Variants in PANX1 observed in about 807,000 individuals in gnomAD.
The protein encoded by PANX1 is pannexin 1.
A neutral mutation model predicts 38.7 loss-of-function variants in PANX1; 30 were observed. The observed-to-expected ratio is 0.78, with a 90% CI of 0.58 to 1.05. The LOEUF (loss-of-function observed/expected upper bound fraction) is 1.05. Among genes scored for constraint, PANX1 ranks in the 50% least tolerant of loss-of-function variants. PANX1 has a pLI of 0.00. For synonymous variants in PANX1, 230 were observed against 212.2 expected, an observed-to-expected ratio of 1.08 and a Z score of -0.73; for missense variants, 551 against 517.2, an observed-to-expected ratio of 1.07 and a Z score of -0.63.
chr11:94,153,509 T>A lies in PANX1; in HGVS notation c.200T>A (p.Phe67Tyr). The A allele has an allele frequency of 6.2e-7, 1 of 1,614,200 alleles. No homozygotes were observed. The highest frequency in any genetic ancestry group is 8.5e-7 in the Non-Finnish European group (1 of 1,180,034). ...EISIGTQISC[F>Y]SPSSFSWRQA... ...TTCTTAGGTACACAGATAAGCTGTT[T>A]CTCTCCAAGTTCTTTCTCCTGGCGT... The change falls in exon 2 of 5, where the codon TTC becomes TAC. Residue 67 changes from phenylalanine to tyrosine, a missense_variant. Phe to Tyr is a conservative substitution (Grantham distance 22). Coordinates refer to ENST00000227638, the MANE Select transcript of PANX1 (RefSeq NM_015368.4).
rs377690134 is a variant in PANX1, at chr11:94,149,162, C to T, written c.182-4329C>T. ...AGGAGAGGAACAAAAAAATGGGGGGCGTAGATCATAGCAAAAGTAAGCCAA... is the reference window on the plus strand; with the variant it reads ...AGGAGAGGAACAAAAAAATGGGGGGTGTAGATCATAGCAAAAGTAAGCCAA... On this transcript the variant is annotated intron_variant, in intron 1 of 4. Coordinates refer to ENST00000227638, the MANE Select transcript of PANX1 (RefSeq NM_015368.4). Among the ~76,000 whole-genome samples the T allele has an allele frequency of 7.9e-5, 12 of 152,194 alleles. No individual in the cohort carries two copies. The South Asian group carries it at 1.5e-3, about 18-fold the overall frequency.
chr11:94,167,596 A>G (rs551484329), intron 2 of PANX1, among the ~76,000 whole-genome samples: 2 of 152,352 alleles, frequency 1.3e-5, no homozygotes, highest in South Asian at 2.1e-4. Flanking sequence ...GGATTGATCA[A>G]CCATGCATTT....
In PANX1 at chr11:94,153,757, CTG is replaced by C. The variant is rs1323330664; in HGVS notation, c.321+129_321+130del. On this transcript the variant is annotated intron_variant, in intron 2 of 4. Transcript: ENST00000227638. ...CAGTGCTGTATCTCAGATTGTAAAA[CTG>C]TAGCACCTTATAGTCAAAAAGAACC... 6.0e-6 allele frequency: 5 copies of C among 839,468 alleles called. No homozygotes were observed. In the East Asian group the frequency reaches 8.1e-5, roughly 14 times the overall value. The allele number at this position is 839,468 out of a possible 1,614,324, so 52.0% of individuals were successfully genotyped here.
intron 1 of PANX1, among the ~76,000 whole-genome samples, chr11:94,150,013 T>C (rs187284531): frequency 2.0e-5 from 3 of 151,852 alleles, no homozygotes; most frequent in Non-Finnish European, 4.4e-5. Flanking sequence ...TCTGCACATC[T>C]CTGATTTAAA....
At position 94,177,076 on chromosome 11, in the gene PANX1, A is replaced by G. The variant is rs992789595; in HGVS notation, c.322-1293A>G. ...TTCATGACACCTCTATTCCATGACC[A>G]TTTCATACATAAGGAAACTGAGGGT... On this transcript the variant is annotated intron_variant, in intron 2 of 4. Coordinates refer to ENST00000227638, the MANE Select transcript of PANX1 (RefSeq NM_015368.4). Among the ~76,000 whole-genome samples the G allele has an allele frequency of 2.6e-5, 4 of 151,798 alleles. 1 individual carries two copies. The highest frequency in any genetic ancestry group is 9.7e-5 in the African/African-American group (4 of 41,088).
intron 2 of PANX1, among the ~76,000 whole-genome samples, chr11:94,171,737 C>A (rs1947170378): frequency 6.6e-6 from 1 of 151,408 alleles, no homozygotes; most frequent in Non-Finnish European, 1.5e-5. Context: ...TCATTTTTCT[C>A]CAACCGACTT....
At chr11:94,177,443 A>G (rs1281608288) in intron 2 of PANX1, among the ~76,000 whole-genome samples, 3 of 151,986 alleles carry the variant, frequency 2.0e-5, no homozygotes, top group Non-Finnish European at 2.9e-5. Context: ...AGAGGGCCAG[A>G]TCATAAAGTT....
In PANX1 at chr11:94,178,429, C is replaced by T. The variant is rs751430673; in HGVS notation, c.382C>T (p.Arg128Cys). The change falls in exon 3 of 5, where the codon CGT becomes TGT. Residue 128 changes from arginine to cysteine, a missense_variant. By Grantham distance (180) the Arg-to-Cys change is radical. Coordinates refer to ENST00000227638, the MANE Select transcript of PANX1 (RefSeq NM_015368.4). ...CCTGTACCTGCCCCCGCTGTTCTGG[C>T]GTTTCGCAGCTGCTCCTCATATTTG... ...ILLYLPPLFW[R>C]FAAAPHICSD... is the part of the protein sequence containing the mutation. 1.1e-5 allele frequency: 17 copies of T among 1,613,952 alleles called. No individual in the cohort carries two copies. The highest frequency in any genetic ancestry group is 4.0e-5 in the African/African-American group (3 of 74,912).
chr11:94,139,729 G>A (rs946741992), intron 1 of PANX1, among the ~76,000 whole-genome samples: 1 of 152,170 alleles, frequency 6.6e-6, no homozygotes, highest in African/African-American at 2.4e-5. Flanking sequence ...CCCAGGGAGA[G>A]GGTTCCGAGG....
At chr11:94,141,260 A>G (rs536346245) in intron 1 of PANX1, among the ~76,000 whole-genome samples, 1 of 152,354 alleles carries the variant, frequency 6.6e-6, no homozygotes, top group South Asian at 2.1e-4. Context: ...TCCCATCACC[A>G]ATATAGGCCA....
chr11:94,170,519 CT>C (rs1490310782), intron 2 of PANX1, among the ~76,000 whole-genome samples: 1 of 151,820 alleles, frequency 6.6e-6, no homozygotes. Flanking sequence ...CTGTGAACAT[CT>C]GTTCGAGTCC....
At chr11:94,167,316 A>G (rs1419103980) in intron 2 of PANX1, among the ~76,000 whole-genome samples, 3 of 152,184 alleles carry the variant, frequency 2.0e-5, no homozygotes, top group African/African-American at 7.2e-5. Flanking sequence ...AACCAGGTAC[A>G]GTGATTGCTC....
chr11:94,172,885 G>T (rs1275244212), intron 2 of PANX1, among the ~76,000 whole-genome samples: 1 of 151,608 alleles, frequency 6.6e-6, no homozygotes, highest in South Asian at 2.1e-4. Context: ...TACTTTGCTC[G>T]CTGTCTTCTC....
intron 2 of PANX1, among the ~76,000 whole-genome samples, chr11:94,157,873 AG>A: frequency 6.6e-6 from 1 of 152,110 alleles, no homozygotes; most frequent in African/African-American, 2.4e-5. Context: ...TTATGGTTTT[AG>A]GTCTAAGATT....
intron 1 of PANX1, among the ~76,000 whole-genome samples, chr11:94,144,732 CTCT>C (rs1386538259): frequency 1.3e-5 from 2 of 152,182 alleles, no homozygotes; most frequent in Non-Finnish European, 2.9e-5. Context: ...TCTGCACCTT[CTCT>C]CCTCCCTGGC....
chr11:94,134,075 A>G (rs1334739462), intron 1 of PANX1, among the ~76,000 whole-genome samples: 2 of 152,206 alleles, frequency 1.3e-5, no homozygotes, highest in Non-Finnish European at 2.9e-5. Flanking sequence ...AAGTTGTCCC[A>G]CTTGATTTAT....
At chr11:94,162,427 C>T (rs1947053238) in intron 2 of PANX1, among the ~76,000 whole-genome samples, 1 of 152,186 alleles carries the variant, frequency 6.6e-6, no homozygotes, top group Non-Finnish European at 1.5e-5. Flanking sequence ...GGTGGACGCC[C>T]CTCCCCCAGC....
chr11:94,130,399 C>G (rs1946615087), intron 1 of PANX1, among the ~76,000 whole-genome samples: 1 of 152,180 alleles, frequency 6.6e-6, no homozygotes, highest in Non-Finnish European at 1.5e-5. Context: ...GAAAGAGAGA[C>G]ACAGTGACTC....
At chr11:94,160,075 G>A (rs1947005293) in intron 2 of PANX1, among the ~76,000 whole-genome samples, 1 of 152,076 alleles carries the variant, frequency 6.6e-6, no homozygotes, top group African/African-American at 2.4e-5. Context: ...TAGTTTGATT[G>A]CAGTGTGGTC....
Sources: allele counts gnomAD v4.1 joint callset (sites outside exome capture counted in the v4.1 genomes callset), GRCh38; gene constraint gnomAD v4.1.1; transcripts MANE v1.5; gene names NCBI Gene and HGNC (gene_info 2026-07-23, HGNC 2026-07-21).